The following EIPR1 variants were observed in gnomAD, a reference collection of about 807,000 sequenced individuals.
EIPR1 encodes EARP complex and GARP complex interacting protein 1.
Under a neutral mutation model 48.1 loss-of-function variants are expected in EIPR1, and 25 were observed. That is an observed-to-expected ratio of 0.52 (90% CI 0.38 to 0.73). The LOEUF (loss-of-function observed/expected upper bound fraction) is 0.73, where lower values mean the gene tolerates loss of function less well. Among genes scored for constraint, EIPR1 ranks in the 30% least tolerant of loss-of-function variants. The pLI is 0.00. For synonymous variants in EIPR1, 204 were observed against 201.9 expected, an observed-to-expected ratio of 1.01 and a Z score of -0.09; for missense variants, 415 against 506.2, an observed-to-expected ratio of 0.82 and a Z score of 1.73.
intron 3 of EIPR1, chr2:3,282,873 C>G (rs1293403867): frequency 1.3e-5 from 2 of 152,242 alleles, no homozygotes; most frequent in African/African-American, 4.8e-5. Context: ...ACGCCACTCT[C>G]ACCACCCAAA....
chr2:3,370,754 G>C (rs1671095034), intron 1 of EIPR1, among the ~76,000 whole-genome samples: 1 of 152,080 alleles, frequency 6.6e-6, no homozygotes, highest in South Asian at 2.1e-4. Context: ...GACCAAATCT[G>C]CACCTGATTG....
At chr2:3,208,805 T>C (rs1665331504) in intron 5 of EIPR1, 2 of 1,549,936 alleles carry the variant, frequency 1.3e-6, no homozygotes, top group Non-Finnish European at 1.7e-6. Flanking sequence ...CAGGTCCTCC[T>C]TCTGTGAGTG....
In EIPR1 at chr2:3,333,153, T is replaced by G. The variant is rs192997517; in HGVS notation, c.259+4864A>C. ...AGGGTACAGAGAAAGGGTTTCTCGC[T>G]TGCATTTTAAAAAATAAGTCACGAG... On this transcript the variant is annotated intron_variant, in intron 3 of 8. Coordinates refer to ENST00000382125, the MANE Select transcript of EIPR1 (RefSeq NM_003310.5). Among the ~76,000 whole-genome samples, 27 of 152,304 alleles carry G rather than the reference T, an allele frequency of 1.8e-4. No individual in the cohort carries two copies. In the Middle Eastern group the frequency reaches 0.01, roughly 58 times the overall value.
chr2:3,240,220 A>C (rs1191999157), intron 4 of EIPR1, among the ~76,000 whole-genome samples: 1 of 16,928 alleles, frequency 5.9e-5, no homozygotes, highest in East Asian at 2.0e-3. Flanking sequence ...TCCTAAAGAA[A>C]GCAAAGCCAG....
intron 4 of EIPR1, among the ~76,000 whole-genome samples, chr2:3,251,209 G>A (rs2103208356): frequency 6.6e-6 from 1 of 152,290 alleles, no homozygotes; most frequent in Non-Finnish European, 1.5e-5. Context: ...GTCCTTTTCA[G>A]CGAGAAGACT....
At chr2:3,210,109 G>C (rs924918915) in intron 5 of EIPR1, among the ~76,000 whole-genome samples, 2 of 152,152 alleles carry the variant, frequency 1.3e-5, no homozygotes, top group African/African-American at 4.8e-5. Flanking sequence ...TGAGAGTGAG[G>C]GAGGCTGTGG....
In EIPR1 at chr2:3,189,550, C is replaced by A; in HGVS notation, c.990-42G>T. ...GCAGACGTGAGCGCAGCAGCTCCGG[C>A]GGGGCGGGCAGGAGAGGGGCAGGGA... On this transcript the variant is annotated intron_variant, in intron 8 of 8. Coordinates refer to ENST00000382125, the MANE Select transcript of EIPR1 (RefSeq NM_003310.5). The surrounding 1 kb of genome is among the most constrained non-coding windows in gnomAD (Gnocchi z 4.6). 1.3e-6 allele frequency: 2 copies of A among 1,488,046 alleles called. No homozygotes were observed. Among genetic ancestry groups the A allele is most frequent in the South Asian group, 1.3e-5 (1 of 76,296 alleles). The allele number at this position is 1,488,046 out of a possible 1,614,324, so 92.2% of individuals were successfully genotyped here.
chr2:3,331,228 T>TA (rs200151225), intron 3 of EIPR1, among the ~76,000 whole-genome samples: 5,935 of 83,758 alleles, frequency 0.071, 1,031 homozygotes, highest in East Asian at 0.18. Context: ...ACTCATGAGA[T>TA]GTGTCAGCAG....
intron 3 of EIPR1, among the ~76,000 whole-genome samples, chr2:3,302,141 G>C (rs934443597): frequency 1.3e-5 from 2 of 152,178 alleles, no homozygotes; most frequent in Non-Finnish European, 2.9e-5. Flanking sequence ...TGGGGTTCCA[G>C]ATCCAGCCAC....
intron 3 of EIPR1, chr2:3,319,135 C>A: frequency 2.9e-6 from 1 of 349,274 alleles, no homozygotes; most frequent in Non-Finnish European, 5.7e-6. Flanking sequence ...CACTCTGAGA[C>A]AATAGTTACA....
chr2:3,273,669 A>G (rs980954551), intron 3 of EIPR1, among the ~76,000 whole-genome samples: 3 of 99,852 alleles, frequency 3.0e-5, no homozygotes, highest in African/African-American at 1.3e-4. Flanking sequence ...TCCTAAGCCA[A>G]GAATCTAACT....
At chr2:3,247,016 G>GGAGGGAGAGAGC (rs1666844565) in intron 4 of EIPR1, among the ~76,000 whole-genome samples, 6 of 25,842 alleles carry the variant, frequency 2.3e-4, no homozygotes, top group African/African-American at 1.2e-3. Flanking sequence ...AGAGAGCGAG[G>GGAGGGAGAGAGC]GAGGGAGAGA....
intron 3 of EIPR1, among the ~76,000 whole-genome samples, chr2:3,260,497 T>TGAAGGAAG (rs56357528): frequency 2.6e-5 from 1 of 38,134 alleles, no homozygotes; most frequent in Non-Finnish European, 4.5e-5. Context: ...TCTCAAAAAA[T>TGAAGGAAG]GAAGGAAGGA....
intron 3 of EIPR1, among the ~76,000 whole-genome samples, chr2:3,279,569 T>G (rs1409778424): frequency 6.6e-6 from 1 of 152,200 alleles, no homozygotes; most frequent in East Asian, 1.9e-4. Context: ...ATGCTTCTCT[T>G]CTGGGGATTT....
intron 3 of EIPR1, chr2:3,300,786 G>A (rs185667463): frequency 1.1e-4 from 17 of 152,270 alleles, no homozygotes; most frequent in East Asian, 5.8e-4. Context: ...ACCAGCTGTC[G>A]CCCAGGCATG....
rs1162375350 is a variant in EIPR1 at position 3,257,407 on chromosome 2, T to C, written c.308A>G (p.Lys103Arg). Reference protein sequence around the residue: ...LTCAAVWRMPKELESGSHESP... With the variant: ...LTCAAVWRMPRELESGSHESP... The stretch of plus-strand genomic sequence containing the variant: ...CTCGTGGCTGCCTGATTCCAATTCC[T>C]TCGGCATCCTCCACACGGCTGCACA... The change falls in exon 4 of 9, where the codon AAG becomes AGG. Residue 103 changes from lysine to arginine, a missense_variant. By Grantham distance (26) the Lys-to-Arg change is conservative (BLOSUM62 2). Transcript: ENST00000382125. 2.5e-6 allele frequency: 4 copies of C among 1,614,208 alleles called. No homozygotes were observed. In the Admixed American group the frequency reaches 6.7e-5, roughly 27 times the overall value.
At position 3,318,769 on chromosome 2, in the gene EIPR1, C is replaced by T. The variant is rs1357757863; in HGVS notation, c.259+19248G>A. ...CGTTCCAAACTCTGAAGCCAAAATA[C>T]ATCTGGTGACGTGCTACTCCTCGAT... is the stretch of plus-strand genomic sequence containing the variant. On this transcript the variant is annotated intron_variant, in intron 3 of 8. Coordinates refer to ENST00000382125, the MANE Select transcript of EIPR1 (RefSeq NM_003310.5). The T allele has an allele frequency of 2.4e-5, 11 of 452,688 alleles. No individual in the cohort carries two copies. The East Asian group carries it at 7.8e-4, about 32-fold the overall frequency. 28.0% of individuals were successfully genotyped at this position (452,688 alleles called of 1,614,324 possible).
At chr2:3,323,488 C>T (rs144785472) in intron 3 of EIPR1, among the ~76,000 whole-genome samples, 54 of 152,342 alleles carry the variant, frequency 3.5e-4, no homozygotes, top group Middle Eastern at 3.4e-3. Context: ...GCCCTGCACG[C>T]GACAAGGTCT....
At chr2:3,344,479 T>C (rs1051917918) in intron 2 of EIPR1, among the ~76,000 whole-genome samples, 4 of 152,158 alleles carry the variant, frequency 2.6e-5, no homozygotes, top group African/African-American at 7.2e-5. Flanking sequence ...GGTTTCTCAT[T>C]TGGATTCTGC....
Sources: gnomAD v4.1 joint callset for allele counts (sites outside exome capture counted in the v4.1 genomes callset) on GRCh38, gnomAD v4.1.1 for gene constraint, Gnocchi (gnomAD v3.1) non-coding constraint, MANE v1.5 for transcripts, NCBI Gene and HGNC (gene_info 2026-07-23, HGNC 2026-07-21) for gene names.